The following POM121 variants were observed in gnomAD, a reference collection of about 807,000 sequenced individuals.
POM121 encodes nuclear envelope pore membrane protein POM 121.
Under a neutral mutation model 81.3 loss-of-function variants are expected in POM121, and 32 were observed. The observed-to-expected ratio is 0.39, with a 90% CI of 0.30 to 0.53. The LOEUF (loss-of-function observed/expected upper bound fraction) is 0.53, where lower values mean the gene tolerates loss of function less well. Among genes scored for constraint, POM121 ranks in the 20% least tolerant of loss-of-function variants. The probability of loss-of-function intolerance (pLI) is 0.66; values close to 1 mark genes in which losing one functional copy is unlikely to be tolerated. For missense variants in POM121, 1,138 were observed against 1,614.6 expected (o/e 0.70, Z 5.06); for synonymous variants, 514 against 694.2 (o/e 0.74, Z 4.08).
At chr7:72,898,671 G>A (rs1224147883) in intron 3 of POM121, among the ~76,000 whole-genome samples, 9 of 151,798 alleles carry the variant, frequency 5.9e-5, no homozygotes, top group African/African-American at 1.9e-4. Context: ...GGTGGTGGGC[G>A]CCTGTAATCC....
At chr7:72,926,662 C>T in intron 2 of POM121, 140 bp from the exon 3 acceptor site, 1 of 1,475,878 alleles carries the variant, frequency 6.8e-7, no homozygotes, top group Non-Finnish European at 9.2e-7. Context: ...AGTAGCTTTA[C>T]TTGCTAACGG....
chr7:72,938,177 T>C (rs1376059883), intron 5 of POM121, among the ~76,000 whole-genome samples: 1 of 152,130 alleles, frequency 6.6e-6, no homozygotes, highest in Non-Finnish European at 1.5e-5. Flanking sequence ...TACTGGCAGT[T>C]GACTTTCTTT....
In POM121 at chr7:72,926,465, C is replaced by G; in HGVS notation, c.848C>G (p.Ser283Trp). ...ATCGCCCCTCCTGACAGAAGATTTT[C>G]GCGTTCTGCGATGTGAGTATTATCG... The part of the protein sequence containing the change: ...VRIAPPDRRF[S>W]RSAIPEQIIS... Residue 283 changes from serine to tryptophan, a missense_variant, in exon 2 of 13, where the codon TCG becomes TGG. By Grantham distance (177) the Ser-to-Trp change is radical. Coordinates refer to ENST00000434423, the MANE Select transcript of POM121 (RefSeq NM_001387691.1). 1 of 1,613,998 alleles carries G rather than the reference C, an allele frequency of 6.2e-7. No individual in the cohort carries two copies.
At chr7:72,893,294 CG>C (rs1791489850) in intron 3 of POM121, among the ~76,000 whole-genome samples, 1 of 151,706 alleles carries the variant, frequency 6.6e-6, no homozygotes, top group Admixed American at 6.6e-5. Context: ...TTAAAAACCA[CG>C]TAACATGGCC....
intron 3 of POM121, among the ~76,000 whole-genome samples, chr7:72,909,449 G>A (rs1325879351): frequency 6.6e-6 from 1 of 152,240 alleles, no homozygotes; most frequent in East Asian, 1.9e-4. Context: ...CTTTATCCTG[G>A]ACACTTTGAG....
rs1554502331 is a variant in POM121, at chr7:72,943,285, A to C, written c.3292A>C (p.Thr1098Pro). The C allele has an allele frequency of 5.0e-6, 8 of 1,608,606 alleles. No individual in the cohort carries two copies. Among genetic ancestry groups the C allele is most frequent in the Non-Finnish European group, 6.8e-6 (8 of 1,178,166 alleles). The change falls in exon 11 of 13, where the codon ACG becomes CCG. Residue 1098 changes from threonine to proline, a missense_variant. Thr to Pro is a conservative substitution (Grantham distance 38). Transcript: ENST00000434423. Reference protein sequence around the residue: ...VFGSTTPSPFTFGGSAAPAGS... With the variant: ...VFGSTTPSPFPFGGSAAPAGS... ...TGGCAGCACAACACCATCACCCTTC[A>C]CGTTTGGGGGTTCGGCAGCCCCCGC...
chr7:72,931,883 A>G (rs1181269132), intron 5 of POM121, among the ~76,000 whole-genome samples: 16 of 152,138 alleles, frequency 1.1e-4, no homozygotes, highest in African/African-American at 3.9e-4. Flanking sequence ...TGCAATTTCA[A>G]AATAGCGGTA....
At chr7:72,890,019 G>T (rs1205079427) in intron 1 of POM121, among the ~76,000 whole-genome samples, 2 of 152,168 alleles carry the variant, frequency 1.3e-5, no homozygotes, top group East Asian at 3.8e-4. Flanking sequence ...CACCTTGTCT[G>T]CATTACTCTA....
At chr7:72,930,529 A>C (rs1353417779) in intron 5 of POM121, among the ~76,000 whole-genome samples, 2 of 152,232 alleles carry the variant, frequency 1.3e-5, no homozygotes, top group Non-Finnish European at 2.9e-5. Context: ...GGGTGATTCG[A>C]AAGGTAGACT....
At chr7:72,892,598 A>G (rs1791411111) in intron 3 of POM121, among the ~76,000 whole-genome samples, 1 of 152,076 alleles carries the variant, frequency 6.6e-6, no homozygotes, top group African/African-American at 2.4e-5. Context: ...TCACTTGCCG[A>G]GATAATACAT....
rs1797322661 is a variant in POM121 at position 72,943,354 on chromosome 7, A to G, written c.3361A>G (p.Ser1121Gly). Residue 1121 changes from serine (S) to glycine (G), a missense_variant, in exon 11 of 13, where the codon AGC (serine) becomes GGC (glycine). Physicochemically the swap from Ser to Gly is moderately conservative, Grantham distance 56. Around this residue, in one of 7 missense-constraint regions of POM121, gnomAD observed 336 missense variants for 344.3 expected, o/e 0.98. Transcript: ENST00000434423. ...GATCAATGTGGCCACCCCAGGCTCC[A>G]GCACCACCACCGGAGCTTTCAGCTT... Reference protein sequence around the residue: ...FGINVATPGSSTTTGAFSFGA... With the variant: ...FGINVATPGSGTTTGAFSFGA... 1.9e-6 allele frequency: 3 copies of G among 1,612,792 alleles called. No individual in the cohort carries two copies. Among genetic ancestry groups the G allele is most frequent in the Non-Finnish European group, 2.5e-6 (3 of 1,179,616 alleles).
chr7:72,925,904 G>A lies in POM121; in HGVS notation c.644+139G>A. On this transcript the variant is annotated intron_variant, in intron 1 of 12. Coordinates refer to ENST00000434423, the MANE Select transcript of POM121 (RefSeq NM_001387691.1). Reference sequence around the variant, plus strand: ...GTTTTGCCCTCCTTAACACCTTGGTGTGTGCCAGCTGTCTCCTGGCCTCTG... The same window carrying A: ...GTTTTGCCCTCCTTAACACCTTGGTATGTGCCAGCTGTCTCCTGGCCTCTG... 5 of 1,117,430 alleles carry A rather than the reference G, an allele frequency of 4.5e-6. No homozygotes were observed. The South Asian group carries it at 7.8e-5, about 17-fold the overall frequency. The allele number at this position is 1,117,430 out of a possible 1,614,324, so 69.2% of individuals were successfully genotyped here.
chr7:72,950,460 T>C, downstream of POM121: 2 of 486,464 alleles, frequency 4.1e-6, no homozygotes, highest in South Asian at 4.5e-5. Context: ...AAATAGTAGG[T>C]GTGAGGATTC....
intron 1 of POM121, among the ~76,000 whole-genome samples, chr7:72,889,438 C>G (rs1554490527): frequency 6.6e-6 from 1 of 152,172 alleles, no homozygotes. Flanking sequence ...CATGCTGGCT[C>G]AAGCCTGTAA....
chr7:72,948,822 A>G (rs375706182), downstream of POM121: 184 of 1,522,392 alleles, frequency 1.2e-4, 1 homozygote, highest in South Asian at 5.6e-4. Flanking sequence ...CAAGAGAAAC[A>G]GCCCCAATGC....
At chr7:72,949,082 C>G, downstream of POM121, 1 of 1,612,940 alleles carries the variant, frequency 6.2e-7, no homozygotes, top group Non-Finnish European at 8.5e-7. Context: ...CCGGGCTCCT[C>G]CAGCTGTCTG....
intron 1 of POM121, among the ~76,000 whole-genome samples, chr7:72,886,637 A>G (rs1554490109): frequency 1.3e-5 from 2 of 152,064 alleles, no homozygotes; most frequent in South Asian, 2.1e-4. Flanking sequence ...GAATTATTAT[A>G]TGTCTGCAAA....
In POM121 at chr7:72,947,929, T is replaced by C; in HGVS notation, c.*1695T>C. ...TCAGAACAGCTCTGATCCTCGTTAATACCTGGCTGCGTGTGCAGCTGAGGA... is the reference window on the plus strand; with the variant it reads ...TCAGAACAGCTCTGATCCTCGTTAACACCTGGCTGCGTGTGCAGCTGAGGA... On this transcript the variant is annotated 3_prime_UTR_variant, in exon 13 of 13. Transcript: ENST00000434423. The C allele has an allele frequency of 9.7e-7, 1 of 1,035,646 alleles. No individual in the cohort carries two copies. The highest frequency in any genetic ancestry group is 1.2e-6 in the Non-Finnish European group (1 of 859,348). The allele number at this position is 1,035,646 out of a possible 1,614,324, so 64.2% of individuals were successfully genotyped here.
rs1795436361 is a variant in POM121, at chr7:72,926,296, A to G, written c.679A>G (p.Thr227Ala). 3.2e-6 allele frequency: 5 copies of G among 1,580,314 alleles called. No homozygotes were observed. Among genetic ancestry groups the G allele is most frequent in the Middle Eastern group, 1.7e-4 (1 of 6,018 alleles). The change falls in exon 2 of 13, where the codon ACA becomes GCA. Residue 227 changes from threonine (T) to alanine (A), a missense_variant. Around this residue, in one of 7 missense-constraint regions of POM121, gnomAD observed 646 missense variants for 633.5 expected, o/e 1.02. Coordinates refer to ENST00000434423, the MANE Select transcript of POM121 (RefSeq NM_001387691.1). ...CGTLPNRFVI[T>A]PRRRYPIHQA... ...GACTTTACCAAATCGGTTTGTAATA[A>G]CACCTAGAAGACGCTATCCGATCCA...
Sources: allele counts gnomAD v4.1 joint callset (sites outside exome capture counted in the v4.1 genomes callset), GRCh38; gene constraint gnomAD v4.1.1; regional missense constraint gnomAD v4.1.1; transcripts MANE v1.5; gene names NCBI Gene and HGNC (gene_info 2026-07-23, HGNC 2026-07-21).